The following TOGARAM2 variants were observed in gnomAD, a reference collection of about 807,000 sequenced individuals.
TOGARAM2 encodes the protein TOG array regulator of axonemal microtubules protein 2.
In TOGARAM2, 85 loss-of-function variants were observed where a neutral mutation model predicts 93.3. The ratio of observed to expected loss-of-function variants is 0.91; its 90% CI spans 0.76 to 1.09. The LOEUF (loss-of-function observed/expected upper bound fraction) is 1.09, where lower values mean the gene tolerates loss of function less well. TOGARAM2 is among the 50% of genes least tolerant of loss of function. The pLI is 0.00. For missense variants in TOGARAM2, 1,277 were observed against 1,334.5 expected (o/e 0.96, Z 0.67); for synonymous variants, 593 against 552.8 (o/e 1.07, Z -1.02).
intron 2 of TOGARAM2, among the ~76,000 whole-genome samples, chr2:28,995,804 C>A (rs561114073): frequency 6.6e-6 from 1 of 152,336 alleles, no homozygotes; most frequent in East Asian, 1.9e-4. Flanking sequence ...GACTAGGAGT[C>A]TTGCAGCCTG....
rs1673434869 is a variant in TOGARAM2 at position 29,003,544 on chromosome 2, C to T, written c.692C>T (p.Ser231Phe). Residue 231 changes from serine (S) to phenylalanine (F), a missense_variant, in exon 6 of 20, where the codon TCC becomes TTC. Ser to Phe is a radical substitution (Grantham distance 155). Coordinates refer to ENST00000379558, the MANE Select transcript of TOGARAM2 (RefSeq NM_199280.4). ...TGCAATGATGAGAAGATGCAGAAGT[C>T]CCTGGGCGCCATCGTGATCCCACCC... ...LHCNDEKMQK[S>F]LGAIVIPPIP... 16 of 1,592,648 alleles carry T rather than the reference C, an allele frequency of 1.0e-5. No homozygotes were observed. Among genetic ancestry groups the T allele is most frequent in the Non-Finnish European group, 1.4e-5 (16 of 1,170,376 alleles).
intron 1 of TOGARAM2, among the ~76,000 whole-genome samples, chr2:28,958,702 A>G (rs1302282488): frequency 6.6e-6 from 1 of 152,166 alleles, no homozygotes; most frequent in Non-Finnish European, 1.5e-5. Flanking sequence ...GGTTGCTACA[A>G]TTGTATTTTT....
chr2:29,017,690 C>A, intron 9 of TOGARAM2, 102 bp from the exon 10 acceptor site: 3 of 1,194,664 alleles, frequency 2.5e-6, no homozygotes, highest in Non-Finnish European at 2.3e-6. Context: ...GGGGTACTGG[C>A]ATGAGCTACT....
At chr2:28,997,571 T>C (rs1673055369) in intron 2 of TOGARAM2, among the ~76,000 whole-genome samples, 1 of 152,190 alleles carries the variant, frequency 6.6e-6, no homozygotes, top group Non-Finnish European at 1.5e-5. Context: ...AGAGGGTGTC[T>C]TTTGCTGAGC....
chr2:29,002,589 C>T lies in TOGARAM2; in HGVS notation c.481C>T (p.Pro161Ser). 2 of 1,613,998 alleles carry T rather than the reference C, an allele frequency of 1.2e-6. No individual in the cohort carries two copies. Among genetic ancestry groups the T allele is most frequent in the African/African-American group, 1.3e-5 (1 of 75,074 alleles). Residue 161 changes from proline (P) to serine (S), a missense_variant, in exon 5 of 20, where the codon CCC becomes TCC. Pro to Ser is a moderately conservative substitution (Grantham distance 74, BLOSUM62 -1). Transcript: ENST00000379558. The stretch of plus-strand genomic sequence containing the variant: ...AGGAGTTCCCCTGCACAGCACCATC[C>T]CCCGAGCCACCTCTCAGAGGCTGCT... ...PQGVPLHSTI[P>S]RATSQRLLRV...
At chr2:29,024,434 A>G (rs996182016) in intron 13 of TOGARAM2, 60 bp downstream of exon 13, 5 of 1,018,322 alleles carry the variant, frequency 4.9e-6, no homozygotes, top group Non-Finnish European at 5.4e-6. Flanking sequence ...GCAAGGGGAG[A>G]GGCCCTGGGA....
chr2:28,979,948 C>A (rs1381466113), upstream of TOGARAM2, among the ~76,000 whole-genome samples: 2 of 152,246 alleles, frequency 1.3e-5, no homozygotes, highest in Non-Finnish European at 1.5e-5. Flanking sequence ...CACGTCCCCG[C>A]CCTGGGTTCC....
chr2:28,979,233 G>A (rs1026193753), upstream of TOGARAM2, among the ~76,000 whole-genome samples: 1 of 152,098 alleles, frequency 6.6e-6, no homozygotes, highest in Non-Finnish European at 1.5e-5. Flanking sequence ...TCCTTACCTC[G>A]GGGATTTCAT....
chr2:29,045,239 A>G, intron 18 of TOGARAM2, 85 bp from the exon 19 acceptor site: 1 of 1,030,652 alleles, frequency 9.7e-7, no homozygotes, highest in East Asian at 2.4e-5. Context: ...CCTTGCAGGT[A>G]CTGTGGGTAT....
At chr2:29,030,230 AG>A (rs1665684099) in intron 14 of TOGARAM2, among the ~76,000 whole-genome samples, 1 of 152,132 alleles carries the variant, frequency 6.6e-6, no homozygotes, top group South Asian at 2.1e-4. Context: ...GAGCTGAAAT[AG>A]GGCCATTACA....
In TOGARAM2 at chr2:29,003,602, C is replaced by A; in HGVS notation, c.750C>A (p.Pro250=). The part of the protein sequence containing the change: ...IPKARTVAAT[P]SRVPGSLPSP... ...AGGCCAGGACGGTTGCAGCGACCCC[C>A]TCCCGTGTGCCTGGCTCCCTTCCCA... The change falls in exon 6 of 20, where the codon CCC becomes CCA. Residue 250 remains proline (P), a synonymous_variant. Coordinates refer to ENST00000379558, the MANE Select transcript of TOGARAM2 (RefSeq NM_199280.4). 6.3e-7 allele frequency: 1 copy of A among 1,594,128 alleles called. No homozygotes were observed. The highest frequency in any genetic ancestry group is 8.5e-7 in the Non-Finnish European group (1 of 1,171,310).
chr2:28,973,414 TCCTTCTTTCCTC>T, intron 1 of TOGARAM2, among the ~76,000 whole-genome samples: 3 of 141,504 alleles, frequency 2.1e-5, no homozygotes, highest in African/African-American at 8.3e-5. Context: ...CTTCCTCCTT[TCCTTCTTTCCTC>T]CCTTCCTTCC....
At chr2:28,986,199 A>G (rs72786147) in intron 1 of TOGARAM2, among the ~76,000 whole-genome samples, 3 of 152,160 alleles carry the variant, frequency 2.0e-5, no homozygotes, top group Non-Finnish European at 4.4e-5. Context: ...ACAATCAAAC[A>G]TGGCAGCCCT....
chr2:29,035,874 A>C (rs1281770066), intron 17 of TOGARAM2, among the ~76,000 whole-genome samples: 1 of 152,152 alleles, frequency 6.6e-6, no homozygotes, highest in Non-Finnish European at 1.5e-5. Flanking sequence ...TCCTTCTAGC[A>C]GATTTACAGT....
chr2:28,980,137 G>A (rs1174343251), upstream of TOGARAM2, among the ~76,000 whole-genome samples: 1 of 152,226 alleles, frequency 6.6e-6, no homozygotes, highest in Non-Finnish European at 1.5e-5. Flanking sequence ...AGGGAGTTCA[G>A]GAGTTCCGTT....
At chr2:28,994,909 G>C (rs1672918868) in intron 2 of TOGARAM2, 47 bp downstream of exon 2, 2 of 1,549,638 alleles carry the variant, frequency 1.3e-6, no homozygotes, top group Non-Finnish European at 1.7e-6. Context: ...TCCAGGCTAG[G>C]GGACCTGCCT....
At chr2:28,976,671 T>C (rs1365911247), upstream of TOGARAM2, among the ~76,000 whole-genome samples, 1 of 152,210 alleles carries the variant, frequency 6.6e-6, no homozygotes, top group East Asian at 1.9e-4. Flanking sequence ...ATCCTGTCAT[T>C]ACCACTGAAT....
At chr2:28,976,207 A>G (rs182475916) in intron 1 of TOGARAM2, among the ~76,000 whole-genome samples, 2 of 152,284 alleles carry the variant, frequency 1.3e-5, no homozygotes, top group East Asian at 1.9e-4. Flanking sequence ...CGTCTCTACT[A>G]AAAATACAAA....
intron 12 of TOGARAM2, among the ~76,000 whole-genome samples, chr2:29,023,524 C>T (rs1424525207): frequency 6.6e-6 from 1 of 152,204 alleles, no homozygotes; most frequent in Non-Finnish European, 1.5e-5. Context: ...GGTAGTATTT[C>T]CCAAAGCGTT....
Sources: allele counts gnomAD v4.1 joint callset (sites outside exome capture counted in the v4.1 genomes callset), GRCh38; gene constraint gnomAD v4.1.1; transcripts MANE v1.5; gene names NCBI Gene and HGNC (gene_info 2026-07-23, HGNC 2026-07-21).